The following IQSEC1 variants were observed in gnomAD, a reference collection of about 807,000 sequenced individuals.
IQSEC1 encodes IQ motif and Sec7 domain ArfGEF 1, also known as IQ motif and SEC7 domain-containing protein 1.
IQSEC1 carries 31 observed loss-of-function variants against 91.0 expected under a neutral mutation model. The observed-to-expected ratio is 0.34, with a 90% CI of 0.26 to 0.46. The LOEUF (loss-of-function observed/expected upper bound fraction) is 0.46. IQSEC1 is among the 20% of genes least tolerant of loss of function. The probability of loss-of-function intolerance (pLI) is 1.00; values close to 1 mark genes in which losing one functional copy is unlikely to be tolerated. For missense variants in IQSEC1, 1,388 were observed against 1,575.6 expected (o/e 0.88, Z 2.02); for synonymous variants, 699 against 662.6 (o/e 1.05, Z -0.84).
intron 2 of IQSEC1, among the ~76,000 whole-genome samples, chr3:13,102,468 C>T (rs1045714406): frequency 2.6e-5 from 4 of 152,038 alleles, no homozygotes; most frequent in Middle Eastern, 3.4e-3. Flanking sequence ...GGTTTGGGCC[C>T]ATGGTTTCCT....
intron 2 of IQSEC1, among the ~76,000 whole-genome samples, chr3:13,102,305 T>C (rs1706079193): frequency 1.3e-5 from 2 of 150,402 alleles, no homozygotes; most frequent in African/African-American, 4.9e-5. Context: ...TAATAATAAA[T>C]AACCTCTGCC....
At position 12,935,247 on chromosome 3, in the gene IQSEC1, C is replaced by G. The variant is rs1343418657; in HGVS notation, c.1568+201G>C. Among the ~76,000 whole-genome samples, 1 of 152,238 alleles carries G rather than the reference C, an allele frequency of 6.6e-6. No homozygotes were observed. Among genetic ancestry groups the G allele is most frequent in the Non-Finnish European group, 1.5e-5 (1 of 68,038 alleles). On this transcript the variant is annotated intron_variant, in intron 3 of 13. Transcript: ENST00000613206. This position sits in a 1 kb window ranked among gnomAD's most constrained non-coding sequence, Gnocchi z 8.0. ...TGCTCAGCCTGTGTGTGTTGCCATCCCCACCAGCAGTCCCAGGAGGGGCTA... is the reference window on the plus strand; with the variant it reads ...TGCTCAGCCTGTGTGTGTTGCCATCGCCACCAGCAGTCCCAGGAGGGGCTA...
Position 13,207,446 on chromosome 3 carries a change from T to G in IQSEC1, c.273-43313A>C, listed in dbSNP as rs79560504. Reference sequence around the variant, plus strand: ...TCCCTCTGGCCACCCCCAGACCCCCTGCTGCCATTCTAACTCTCCCCATGA... The same window carrying G: ...TCCCTCTGGCCACCCCCAGACCCCCGGCTGCCATTCTAACTCTCCCCATGA... On this transcript the variant is annotated intron_variant, in intron 1 of 15. Transcript: ENST00000648114. The surrounding 1 kb of genome is among the most constrained non-coding windows in gnomAD (Gnocchi z 4.8). Among the ~76,000 whole-genome samples the G allele has an allele frequency of 2.3e-5, 2 of 87,504 alleles. No homozygotes were observed. Among genetic ancestry groups the G allele is most frequent in the Non-Finnish European group, 5.9e-5 (2 of 33,966 alleles). The allele number at this position is 87,504 out of a possible 152,430, so 57.4% of individuals were successfully genotyped here. A position where few individuals can be genotyped will look rare whatever the true frequency, so the allele number is the denominator to read the frequency against.
chr3:13,172,258 G>T lies in IQSEC1; in HGVS notation c.273-8125C>A, dbSNP rs1405289975. 2.6e-5 allele frequency among the ~76,000 whole-genome samples: 4 copies of T among 152,240 alleles called. No individual in the cohort carries two copies. In the South Asian group the frequency reaches 8.3e-4, roughly 32 times the overall value. ...CCTGCCATGGTTGGGGGAGGTTTGC[G>T]GCTGGGGAGTAGATGGAACCATGGC... is the stretch of plus-strand genomic sequence containing the variant. On this transcript the variant is annotated intron_variant, in intron 1 of 15. Transcript: ENST00000648114.
intron 2 of IQSEC1, among the ~76,000 whole-genome samples, chr3:13,110,237 G>C (rs1228528715): frequency 6.6e-6 from 1 of 152,054 alleles, no homozygotes; most frequent in South Asian, 2.1e-4. Context: ...GCATATAGGA[G>C]GTGTTATAGC....
At chr3:13,198,351 G>A (rs1024465176) in intron 1 of IQSEC1, among the ~76,000 whole-genome samples, 13 of 152,084 alleles carry the variant, frequency 8.5e-5, no homozygotes, top group Admixed American at 7.2e-4. Context: ...TGGGATGGCC[G>A]TGGGCTGTCC....
intron 1 of IQSEC1, among the ~76,000 whole-genome samples, chr3:13,226,515 G>T (rs1694756486): frequency 6.6e-6 from 1 of 151,704 alleles, no homozygotes; most frequent in African/African-American, 2.4e-5. Context: ...ATTTTGGGAG[G>T]CCAAGGCAGG....
At chr3:12,913,394 C>T in intron 9 of IQSEC1, 34 bp downstream of exon 9, 1 of 1,561,464 alleles carries the variant, frequency 6.4e-7, no homozygotes. Context: ...GGCTTGAGGT[C>T]CCTGCTACAA....
At chr3:13,253,314 C>T (rs914310140) in intron 1 of IQSEC1, among the ~76,000 whole-genome samples, 1 of 152,174 alleles carries the variant, frequency 6.6e-6, no homozygotes, top group East Asian at 1.9e-4. Context: ...GGGATCTGAA[C>T]TCAGAGTATC....
chr3:12,966,126 T>C (rs1321649428), intron 1 of IQSEC1, among the ~76,000 whole-genome samples: 1 of 152,198 alleles, frequency 6.6e-6, no homozygotes, highest in Non-Finnish European at 1.5e-5. Flanking sequence ...ATGAATAACA[T>C]GACCCCCATG....
rs140451997 is a variant in IQSEC1, at chr3:13,223,512, C to T, written c.272+59199G>A. Among the ~76,000 whole-genome samples the T allele has an allele frequency of 2.5e-3, 383 of 152,286 alleles. 3 individuals carry two copies. The highest frequency in any genetic ancestry group is 0.022 in the Admixed American group (343 of 15,306). ...GGCAGAACTCCTTGGGGATGGCAGC[C>T]CTTCTCATCAGAGGGAAGCTGGGAA... On this transcript the variant is annotated intron_variant, in intron 1 of 15. Coordinates refer to the IQSEC1 transcript ENST00000648114.
chr3:12,984,999 T>C (rs2125602196), intron 1 of IQSEC1, among the ~76,000 whole-genome samples: 1 of 151,994 alleles, frequency 6.6e-6, no homozygotes, highest in South Asian at 2.1e-4. Context: ...TAATTTTTTG[T>C]ATTTTTAGTA....
At chr3:13,204,077 A>T (rs966118980) in intron 1 of IQSEC1, among the ~76,000 whole-genome samples, 5 of 152,136 alleles carry the variant, frequency 3.3e-5, no homozygotes, top group African/African-American at 1.2e-4. Flanking sequence ...TCCGGCCTTC[A>T]GAAGGGAGGA....
chr3:13,152,159 G>A (rs559128095), intron 2 of IQSEC1, among the ~76,000 whole-genome samples: 1 of 152,278 alleles, frequency 6.6e-6, no homozygotes, highest in South Asian at 2.1e-4. Flanking sequence ...CATCTTAGAT[G>A]CTTCTCTTGG....
intron 1 of IQSEC1, among the ~76,000 whole-genome samples, chr3:13,265,100 G>A (rs1192915218): frequency 3.3e-5 from 5 of 152,180 alleles, no homozygotes; most frequent in Non-Finnish European, 7.3e-5. Flanking sequence ...GATCCAGAAG[G>A]TCTGGTCATG....
Position 12,948,776 on chromosome 3 carries a change from A to T in IQSEC1, c.24-6911T>A, listed in dbSNP as rs112698758. On this transcript the variant is annotated intron_variant, in intron 1 of 13. Coordinates refer to ENST00000613206, the MANE Select transcript of IQSEC1 (RefSeq NM_001134382.3). The stretch of plus-strand genomic sequence containing the variant: ...TGATGTTCTAAGCTGTATATGGAAC[A>T]CATTCAGTGCTCTCAATACCCTGCA... 3.5e-3 allele frequency among the ~76,000 whole-genome samples: 538 copies of T among 152,334 alleles called. 5 individuals carry two copies. The highest frequency in any genetic ancestry group is 0.012 in the African/African-American group (515 of 41,576).
intron 1 of IQSEC1, among the ~76,000 whole-genome samples, chr3:13,209,594 T>A (rs1276016231): frequency 6.6e-6 from 1 of 152,128 alleles, no homozygotes; most frequent in Non-Finnish European, 1.5e-5. Context: ...TGCCTGGGGC[T>A]AGGCTCTCCC....
intron 1 of IQSEC1, among the ~76,000 whole-genome samples, chr3:12,985,861 A>G (rs867346006): frequency 6.6e-6 from 1 of 152,242 alleles, no homozygotes; most frequent in Non-Finnish European, 1.5e-5. Flanking sequence ...CTAAGCAAAT[A>G]TTAAATTCAT....
chr3:13,254,184 C>T (rs775500236), intron 1 of IQSEC1, among the ~76,000 whole-genome samples: 1 of 152,260 alleles, frequency 6.6e-6, no homozygotes, highest in Non-Finnish European at 1.5e-5. Flanking sequence ...AGATGAGATG[C>T]TCCACCCACA....
Sources: gnomAD v4.1 joint callset for allele counts (sites outside exome capture counted in the v4.1 genomes callset) on GRCh38, gnomAD v4.1.1 for gene constraint, Gnocchi (gnomAD v3.1) non-coding constraint, MANE v1.5 for transcripts, NCBI Gene and HGNC (gene_info 2026-07-23, HGNC 2026-07-21) for gene names.